The following STX18 variants were observed in gnomAD, a reference collection of about 807,000 sequenced individuals.
STX18 encodes syntaxin 18.
STX18 carries 40 observed loss-of-function variants against 50.1 expected under a neutral mutation model. The ratio of observed to expected loss-of-function variants is 0.80; its 90% confidence interval spans 0.62 to 1.04. STX18 has a LOEUF of 1.04. Among genes scored for constraint, STX18 ranks in the 50% least tolerant of loss-of-function variants. STX18 has a pLI of 0.00. For synonymous variants in STX18, 158 were observed against 151.8 expected, an observed-to-expected ratio of 1.04 and a Z score of -0.30; for missense variants, 410 against 415.8, an observed-to-expected ratio of 0.99 and a Z score of 0.12.
chr4:4,510,034 G>A (rs192648604), intron 1 of STX18, among the ~76,000 whole-genome samples: 53 of 152,286 alleles, frequency 3.5e-4, no homozygotes, highest in African/African-American at 1.1e-3. Context: ...GGGTTTCAAA[G>A]AGGTCTGACC....
intron 5 of STX18, among the ~76,000 whole-genome samples, chr4:4,448,709 G>A (rs1160828905): frequency 6.6e-6 from 1 of 152,178 alleles, no homozygotes; most frequent in South Asian, 2.1e-4. Flanking sequence ...TTCTCAAAGA[G>A]TTCTTTCAAA....
chr4:4,499,597 C>T, intron 1 of STX18: 1 of 897,968 alleles, frequency 1.1e-6, no homozygotes, highest in Non-Finnish European at 1.3e-6. Context: ...CTGGCTTCTA[C>T]ACAAACATTC....
intron 1 of STX18, chr4:4,478,971 T>A (rs560662733): frequency 6.5e-6 from 1 of 152,680 alleles, no homozygotes; most frequent in Non-Finnish European, 1.5e-5. Context: ...GTAGTTCCAC[T>A]GGACTGGGAA....
chr4:4,508,375 G>T (rs558330114), intron 1 of STX18, among the ~76,000 whole-genome samples: 2 of 152,012 alleles, frequency 1.3e-5, no homozygotes, highest in East Asian at 3.9e-4. Context: ...CACTTGAGAG[G>T]ATCCCAAAAA....
intron 1 of STX18, among the ~76,000 whole-genome samples, chr4:4,516,319 A>G (rs952865913): frequency 3.3e-5 from 5 of 152,220 alleles, no homozygotes; most frequent in Admixed American, 1.3e-4. Context: ...TATATCTTCA[A>G]TAACTGTGAT....
intron 9 of STX18, 83 bp downstream of exon 9, chr4:4,423,434 AG>A: frequency 7.5e-7 from 1 of 1,336,656 alleles, no homozygotes; most frequent in Non-Finnish European, 1.1e-6. Flanking sequence ...GTAGAGCAGC[AG>A]CCTTTGGGAA....
intron 1 of STX18, among the ~76,000 whole-genome samples, chr4:4,502,741 A>C (rs34654229): frequency 7.2e-5 from 11 of 152,068 alleles, no homozygotes; most frequent in African/African-American, 2.7e-4. Context: ...GTGTGTGTGC[A>C]GCACATGTAA....
intron 2 of STX18, among the ~76,000 whole-genome samples, chr4:4,469,677 A>G (rs529082632): frequency 6.6e-6 from 1 of 152,258 alleles, no homozygotes; most frequent in South Asian, 2.1e-4. Context: ...GAGTGATGAC[A>G]TAAAGGATGC....
At chr4:4,520,730 A>AG (rs1730469168) in intron 1 of STX18, among the ~76,000 whole-genome samples, 1 of 152,154 alleles carries the variant, frequency 6.6e-6, no homozygotes. Context: ...GAATCTGCAG[A>AG]GAAAAAAAAA....
chr4:4,487,356 C>T (rs1728744337), intron 1 of STX18, among the ~76,000 whole-genome samples: 1 of 152,180 alleles, frequency 6.6e-6, no homozygotes, highest in South Asian at 2.1e-4. Flanking sequence ...ACTTCCAAAT[C>T]ATCATCATAA....
intron 7 of STX18, among the ~76,000 whole-genome samples, chr4:4,429,239 C>A (rs1216598476): frequency 1.3e-5 from 2 of 152,222 alleles, no homozygotes; most frequent in Admixed American, 6.5e-5. Context: ...GTATGTGTCA[C>A]ATGCGCATTA....
chr4:4,509,458 A>G (rs1729893170), intron 1 of STX18, among the ~76,000 whole-genome samples: 3 of 151,722 alleles, frequency 2.0e-5, no homozygotes. Flanking sequence ...TGGATATTAG[A>G]CCCTTGCCAG....
At chr4:4,469,049 G>A (rs908755647) in intron 2 of STX18, among the ~76,000 whole-genome samples, 1 of 152,178 alleles carries the variant, frequency 6.6e-6, no homozygotes, top group Non-Finnish European at 1.5e-5. Flanking sequence ...TACCATACAA[G>A]TCTATTTATA....
intron 1 of STX18, among the ~76,000 whole-genome samples, chr4:4,490,346 A>G (rs900664740): frequency 6.6e-6 from 1 of 152,162 alleles, no homozygotes; most frequent in African/African-American, 2.4e-5. Context: ...AGAACAGACA[A>G]ATTTCCTTAA....
intron 7 of STX18, among the ~76,000 whole-genome samples, chr4:4,431,859 C>T (rs185042483): frequency 6.9e-4 from 105 of 152,298 alleles, no homozygotes; most frequent in Middle Eastern, 3.4e-3. Context: ...TCAAGGCCCT[C>T]CTCATCTCTC....
intron 2 of STX18, among the ~76,000 whole-genome samples, chr4:4,470,847 A>G (rs573029449): frequency 9.2e-5 from 14 of 152,312 alleles, no homozygotes; most frequent in African/African-American, 2.6e-4. Context: ...GGGCTAGATC[A>G]GGAGTGGGGA....
chr4:4,524,367 T>C (rs1730654004), intron 1 of STX18, among the ~76,000 whole-genome samples: 1 of 152,212 alleles, frequency 6.6e-6, no homozygotes, highest in Admixed American at 6.5e-5. Flanking sequence ...GCCAAATGTA[T>C]TGGGTGGAAG....
At chr4:4,423,932 C>G (rs1725101468) in intron 8 of STX18, 1 of 334,470 alleles carries the variant, frequency 3.0e-6, no homozygotes. Flanking sequence ...TTACAGAAAG[C>G]AGTCTCCAGT....
upstream of STX18, chr4:4,542,073 C>G (rs1276503723): frequency 4.0e-6 from 5 of 1,259,978 alleles, no homozygotes; most frequent in South Asian, 2.0e-5. Flanking sequence ...CGCCTCCCCC[C>G]GGCAACGGCG....
Sources: allele counts gnomAD v4.1 joint callset (sites outside exome capture counted in the v4.1 genomes callset), GRCh38; gene constraint gnomAD v4.1.1; transcripts MANE v1.5; gene names NCBI Gene and HGNC (gene_info 2026-07-23, HGNC 2026-07-21).